Variants in OSBPL1A observed in about 807,000 individuals in gnomAD.
OSBPL1A encodes the protein oxysterol binding protein like 1A.
A neutral mutation model predicts 137.1 loss-of-function variants in OSBPL1A; 80 were observed. The ratio of observed to expected loss-of-function variants is 0.58; its 90% CI spans 0.49 to 0.70. OSBPL1A has a LOEUF of 0.70. Among genes scored for constraint, OSBPL1A ranks in the 30% least tolerant of loss-of-function variants. The pLI is 0.00. For synonymous variants in OSBPL1A, 365 were observed against 389.7 expected (o/e 0.94, Z 0.75); for missense variants, 970 against 1,129.4 (o/e 0.86, Z 2.02).
At chr18:24,262,753 A>ATGTGCCCCTTTCACGGTCACTCTCCCCCC in intron 15 of OSBPL1A, among the ~76,000 whole-genome samples, 2 of 95,580 alleles carry the variant, frequency 2.1e-5, no homozygotes, top group African/African-American at 4.3e-5. Context: ...ACTCTCCCCC[A>ATGTGCCCCTTTCACGGTCACTCTCCCCCC]TGTGCCCCTT....
chr18:24,227,874 G>A (rs1229498466), intron 16 of OSBPL1A, among the ~76,000 whole-genome samples: 2 of 152,164 alleles, frequency 1.3e-5, no homozygotes, highest in African/African-American at 4.8e-5. Context: ...TAGAAGTCAT[G>A]AAAATCATAA....
At chr18:24,262,161 C>A (rs1419411569) in intron 15 of OSBPL1A, among the ~76,000 whole-genome samples, 2 of 152,192 alleles carry the variant, frequency 1.3e-5, no homozygotes, top group Non-Finnish European at 2.9e-5. Context: ...ATTGCATCAT[C>A]AAATTTTGCA....
intron 21 of OSBPL1A, among the ~76,000 whole-genome samples, chr18:24,174,639 G>A (rs1258977313): frequency 6.6e-6 from 1 of 152,140 alleles, no homozygotes; most frequent in Non-Finnish European, 1.5e-5. Context: ...TATTGTCAAT[G>A]TTTACAATTA....
intron 4 of OSBPL1A, among the ~76,000 whole-genome samples, chr18:24,365,026 A>C (rs1461211513): frequency 1.3e-4 from 5 of 37,132 alleles, no homozygotes; most frequent in Non-Finnish European, 3.0e-4. Flanking sequence ...AAACAACAAC[A>C]AAAAAAAAAA....
At chr18:24,392,022 A>G (rs1907394153) in intron 1 of OSBPL1A, among the ~76,000 whole-genome samples, 1 of 150,284 alleles carries the variant, frequency 6.7e-6, no homozygotes, top group Admixed American at 6.6e-5. Context: ...TGCCCAGCTA[A>G]TTTTCGTATT....
chr18:24,365,844 A>C (rs949889835), intron 4 of OSBPL1A, among the ~76,000 whole-genome samples: 2 of 152,226 alleles, frequency 1.3e-5, no homozygotes, highest in African/African-American at 4.8e-5. Context: ...TACAGCAAGT[A>C]ACACTAAAGA....
chr18:24,171,063 G>A (rs1599427780), intron 23 of OSBPL1A, among the ~76,000 whole-genome samples: 1 of 150,198 alleles, frequency 6.7e-6, no homozygotes, highest in East Asian at 1.9e-4. Flanking sequence ...TTTAGATGGA[G>A]TCTCGCTGTC....
chr18:24,378,789 C>T (rs1360290593), intron 1 of OSBPL1A, among the ~76,000 whole-genome samples: 2 of 152,110 alleles, frequency 1.3e-5, no homozygotes, highest in African/African-American at 2.4e-5. Context: ...CAGGCTTTAC[C>T]CTCTATGAGA....
In OSBPL1A at chr18:24,332,973, A is replaced by G. The variant is rs2091109621; in HGVS notation, c.594T>C (p.Ser198=). ...HKQCALKLLR[S]GADPNLKNKN... is the part of the protein sequence containing the mutation. ...TGTTCTTCAGATTAGGGTCTGCTCCACTTCTTAGAAGCTTTAAGGCACATT... is the reference window on the plus strand; with the variant it reads ...TGTTCTTCAGATTAGGGTCTGCTCCGCTTCTTAGAAGCTTTAAGGCACATT... The change falls in exon 7 of 28, where the codon AGT becomes AGC. Residue 198 remains serine, a synonymous_variant. Coordinates refer to ENST00000319481, the MANE Select transcript of OSBPL1A (RefSeq NM_080597.4). The G allele has an allele frequency of 1.2e-6, 2 of 1,614,178 alleles. No homozygotes were observed. The highest frequency in any genetic ancestry group is 1.7e-6 in the Non-Finnish European group (2 of 1,180,024).
intron 15 of OSBPL1A, among the ~76,000 whole-genome samples, chr18:24,244,624 A>T (rs2088825526): frequency 6.6e-6 from 1 of 152,232 alleles, no homozygotes. Flanking sequence ...ATACAAATGT[A>T]AGCCTTTCCA....
chr18:24,163,497 C>A (rs1377048657), intron 27 of OSBPL1A, among the ~76,000 whole-genome samples: 3 of 152,180 alleles, frequency 2.0e-5, no homozygotes, highest in African/African-American at 7.2e-5. Context: ...ATGCAAAAGG[C>A]ATATGGATTT....
At chr18:24,274,267 T>C (rs998956913) in intron 15 of OSBPL1A, among the ~76,000 whole-genome samples, 1 of 150,020 alleles carries the variant, frequency 6.7e-6, no homozygotes, top group African/African-American at 2.5e-5. Flanking sequence ...CGGGACTTGA[T>C]TAAAGATAGG....
chr18:24,324,603 T>TAAAAAAAA (rs71163674), intron 7 of OSBPL1A, among the ~76,000 whole-genome samples: 3 of 5,652 alleles, frequency 5.3e-4, no homozygotes, highest in Admixed American at 1.5e-3. Flanking sequence ...AATATGAATA[T>TAAAAAAAA]AAAAAAAAAA....
intron 15 of OSBPL1A, among the ~76,000 whole-genome samples, chr18:24,245,081 A>C (rs2088842419): frequency 1.3e-5 from 2 of 152,052 alleles, no homozygotes; most frequent in South Asian, 4.2e-4. Context: ...AATGTATTAG[A>C]GACTGAAATA....
At chr18:24,232,792 T>G (rs2088323153) in intron 16 of OSBPL1A, among the ~76,000 whole-genome samples, 1 of 149,760 alleles carries the variant, frequency 6.7e-6, no homozygotes, top group African/African-American at 2.5e-5. Flanking sequence ...TCAGGTAAAG[T>G]GCAAGTTGCT....
At chr18:24,252,846 T>C (rs1025352899) in intron 15 of OSBPL1A, among the ~76,000 whole-genome samples, 1 of 152,086 alleles carries the variant, frequency 6.6e-6, no homozygotes, top group South Asian at 2.1e-4. Context: ...GTGTAGAGTT[T>C]TGATTAGTTT....
chr18:24,204,250 C>T (rs974152958), intron 17 of OSBPL1A, among the ~76,000 whole-genome samples: 2 of 152,154 alleles, frequency 1.3e-5, no homozygotes, highest in Admixed American at 1.3e-4. Context: ...GGTAATGATG[C>T]TACCTTGTTA....
intron 13 of OSBPL1A, among the ~76,000 whole-genome samples, chr18:24,310,542 C>A (rs1177775423): frequency 7.3e-6 from 1 of 137,692 alleles, no homozygotes; most frequent in Non-Finnish European, 1.5e-5. Context: ...GTGGAACTTG[C>A]AGTGAGCCGA....
At chr18:24,368,612 G>A (rs1382144723) in intron 2 of OSBPL1A, 4 of 374,758 alleles carry the variant, frequency 1.1e-5, no homozygotes, top group African/African-American at 2.0e-5. Context: ...AGGGAGACAG[G>A]ACGGGGGTTA....
Sources: allele counts gnomAD v4.1 joint callset (sites outside exome capture counted in the v4.1 genomes callset), GRCh38; gene constraint gnomAD v4.1.1; transcripts MANE v1.5; gene names NCBI Gene and HGNC (gene_info 2026-07-23, HGNC 2026-07-21).